Variants in RLF observed in about 807,000 individuals in gnomAD.
RLF encodes the protein RLF zinc finger, also known as zinc finger protein Rlf.
A neutral mutation model predicts 162.9 loss-of-function variants in RLF; 7 were observed. The observed-to-expected ratio is 0.04, with a 90% CI of 0.02 to 0.08. RLF has a LOEUF of 0.08. Among genes scored for constraint, RLF ranks in the 10% least tolerant of loss-of-function variants. RLF has a pLI of 1.00. For synonymous variants in RLF, 782 were observed against 791.5 expected (o/e 0.99, Z 0.20); for missense variants, 1,664 against 2,244.7 (o/e 0.74, Z 5.23).
In RLF at chr1:40,189,367, A is replaced by G. The variant is rs186890017; in HGVS notation, c.392+158A>G. On this transcript the variant is annotated intron_variant, in intron 2 of 7. Transcript: ENST00000372771. ...CTTCCTACTCACGTTCCCAGGAGATATAGTCCAAGTGAAGCTCCAGCCAAG... is the reference window on the plus strand; with the variant it reads ...CTTCCTACTCACGTTCCCAGGAGATGTAGTCCAAGTGAAGCTCCAGCCAAG... 4.4e-3 allele frequency among the ~76,000 whole-genome samples: 670 copies of G among 152,292 alleles called. 4 individuals are homozygous for G. Among genetic ancestry groups the G allele is most frequent in the Admixed American group, 8.6e-3 (132 of 15,290 alleles).
At chr1:40,217,412 A>G (rs948203707) in intron 5 of RLF, among the ~76,000 whole-genome samples, 5 of 152,136 alleles carry the variant, frequency 3.3e-5, no homozygotes, top group Non-Finnish European at 5.9e-5. Context: ...TCGAGGCTGC[A>G]GTGAGCTGCC....
At chr1:40,203,657 A>G (rs1037809825) in intron 5 of RLF, among the ~76,000 whole-genome samples, 5 of 152,034 alleles carry the variant, frequency 3.3e-5, no homozygotes, top group Admixed American at 6.5e-5. Flanking sequence ...TTGACATTAT[A>G]CAGAAAAAAA....
intron 1 of RLF, among the ~76,000 whole-genome samples, chr1:40,183,714 T>C (rs1361040221): frequency 6.6e-6 from 1 of 151,872 alleles, no homozygotes; most frequent in Non-Finnish European, 1.5e-5. Context: ...TTTGCCCAAA[T>C]AATTCAATCT....
At chr1:40,205,377 T>C (rs961618516) in intron 5 of RLF, among the ~76,000 whole-genome samples, 2 of 152,164 alleles carry the variant, frequency 1.3e-5, no homozygotes, top group African/African-American at 2.4e-5. Context: ...ATAACGCTGC[T>C]TTAGATCCTG....
intron 5 of RLF, among the ~76,000 whole-genome samples, chr1:40,221,976 GTTTT>G (rs531703525): frequency 6.7e-6 from 1 of 149,620 alleles, no homozygotes; most frequent in Non-Finnish European, 1.5e-5. Flanking sequence ...ATTTTTATTT[GTTTT>G]TTGTTTGTTT....
At chr1:40,196,594 G>A (rs1435157081) in intron 4 of RLF, among the ~76,000 whole-genome samples, 1 of 152,122 alleles carries the variant, frequency 6.6e-6, no homozygotes, top group African/African-American at 2.4e-5. Context: ...CTACCTTTCA[G>A]GCTCAAGTGA....
At chr1:40,230,732 C>T (rs373698788) in intron 6 of RLF, among the ~76,000 whole-genome samples, 12 of 152,218 alleles carry the variant, frequency 7.9e-5, no homozygotes, top group South Asian at 2.1e-4. Context: ...CCGCCATGCC[C>T]GGCCTCTTTT....
intron 1 of RLF, among the ~76,000 whole-genome samples, chr1:40,170,513 G>T (rs1642229715): frequency 6.6e-6 from 1 of 152,130 alleles, no homozygotes; most frequent in South Asian, 2.1e-4. Flanking sequence ...CTCCCAAAGT[G>T]CTGGGATTAC....
At chr1:40,163,188 T>A (rs866742289) in intron 1 of RLF, among the ~76,000 whole-genome samples, 2 of 152,214 alleles carry the variant, frequency 1.3e-5, no homozygotes, top group African/African-American at 4.8e-5. Context: ...GAGGCCACTT[T>A]AGTTAGTAAG....
At chr1:40,200,540 G>A (rs1207418669) in intron 4 of RLF, among the ~76,000 whole-genome samples, 1 of 151,950 alleles carries the variant, frequency 6.6e-6, no homozygotes, top group Non-Finnish European at 1.5e-5. Context: ...TAAGAAGATA[G>A]CTCTAACTGC....
chr1:40,220,450 T>C (rs1642977194), intron 5 of RLF, among the ~76,000 whole-genome samples: 1 of 152,212 alleles, frequency 6.6e-6, no homozygotes, highest in African/African-American at 2.4e-5. Context: ...CATTCATTCC[T>C]ACTCATCTTA....
intron 1 of RLF, among the ~76,000 whole-genome samples, chr1:40,188,225 A>G (rs557561918): frequency 6.6e-6 from 1 of 152,334 alleles, no homozygotes; most frequent in South Asian, 2.1e-4. Context: ...TTTGGCAGTG[A>G]TTTTTCAACA....
chr1:40,228,441 C>T (rs1255847382), intron 6 of RLF, among the ~76,000 whole-genome samples: 4 of 150,372 alleles, frequency 2.7e-5, no homozygotes, highest in South Asian at 2.1e-4. Flanking sequence ...ATTAGCTGGG[C>T]GTGGTGGTGG....
At position 40,202,408 on chromosome 1, in the gene RLF, C is replaced by T. The variant is rs757073468; in HGVS notation, c.608-4C>T. 21 of 1,559,620 alleles carry T rather than the reference C, an allele frequency of 1.3e-5. No homozygotes were observed. Among genetic ancestry groups the T allele is most frequent in the Non-Finnish European group, 1.6e-5 (19 of 1,158,786 alleles). On this transcript the variant is annotated splice_polypyrimidine_tract_variant and splice_region_variant and intron_variant, in intron 4 of 7. Transcript: ENST00000372771. ...CAAACTGTTTTATTTTTCATTTTTT[C>T]TAGTCAATAAATTGATTGCACAAGA...
chr1:40,194,991 G>T (rs1040396703), intron 3 of RLF, among the ~76,000 whole-genome samples: 3 of 113,064 alleles, frequency 2.7e-5, no homozygotes, highest in African/African-American at 7.6e-5. Context: ...GTGCCACCAC[G>T]CCCGGCTAAT....
chr1:40,237,828 T>C lies in RLF; in HGVS notation c.3126T>C (p.Tyr1042=). Residue 1042 remains tyrosine (Y), a synonymous_variant, in exon 8 of 8, where the codon TAT becomes TAC. Transcript: ENST00000372771. This position sits in a 1 kb window ranked among gnomAD's most constrained non-coding sequence, Gnocchi z 4.4. ...AATGTAAACGAGAACATCAAGGTTATTCCTCAGAATCCTCCATTTGTGCTT... is the reference window on the plus strand; with the variant it reads ...AATGTAAACGAGAACATCAAGGTTACTCCTCAGAATCCTCCATTTGTGCTT... ...HIKCKREHQG[Y]SSESSICASK... The C allele has an allele frequency of 6.2e-7, 1 of 1,614,170 alleles. No homozygotes were observed. Among genetic ancestry groups the C allele is most frequent in the Non-Finnish European group, 8.5e-7 (1 of 1,180,004 alleles).
Position 40,237,893 on chromosome 1 carries a change from T to A in RLF, c.3191T>A (p.Leu1064Gln). Residue 1064 changes from leucine to glutamine, a missense_variant, in exon 8 of 8, where the codon CTG (leucine) becomes CAG (glutamine). Transcript: ENST00000372771. The surrounding 1 kb of genome is among the most constrained non-coding windows in gnomAD (Gnocchi z 4.4). ...PCTEDTMLEL[L>Q]LRLKHLSLKN... ...ACAGAGGATACCATGTTGGAACTTC[T>A]GTTACGCTTGAAACATTTAAGCTTG... The A allele has an allele frequency of 6.2e-7, 1 of 1,614,190 alleles. No individual in the cohort carries two copies.
chr1:40,203,519 G>A (rs1258199720), intron 5 of RLF, among the ~76,000 whole-genome samples: 1 of 151,406 alleles, frequency 6.6e-6, no homozygotes, highest in African/African-American at 2.4e-5. Context: ...CTCCAGCCTG[G>A]GTGACAAGAG....
At chr1:40,185,517 T>TA (rs769379758) in intron 1 of RLF, among the ~76,000 whole-genome samples, 376 of 23,738 alleles carry the variant, frequency 0.016, 108 homozygotes, top group African/African-American at 0.042. Context: ...AATCTTGCAT[T>TA]AAAAAAAAAA....
Sources: gnomAD v4.1 joint callset for allele counts (sites outside exome capture counted in the v4.1 genomes callset) on GRCh38, gnomAD v4.1.1 for gene constraint, Gnocchi (gnomAD v3.1) non-coding constraint, MANE v1.5 for transcripts, NCBI Gene and HGNC (gene_info 2026-07-23, HGNC 2026-07-21) for gene names.